SUV39H2: variants seen among roughly 807,000 people sequenced by gnomAD.
SUV39H2 encodes the protein histone-lysine N-methyltransferase SUV39H2.
In SUV39H2, 10 loss-of-function variants were observed where a neutral mutation model predicts 47.5. That is an observed-to-expected ratio of 0.21 (90% CI 0.13 to 0.36). The LOEUF is 0.36. Among genes scored for constraint, SUV39H2 ranks in the 10% least tolerant of loss-of-function variants. SUV39H2 has a pLI of 1.00. For synonymous variants in SUV39H2, 159 were observed against 166.8 expected (o/e 0.95, Z 0.36); for missense variants, 266 against 487.4 (o/e 0.55, Z 4.28).
intron 3 of SUV39H2, chr10:14,898,005 G>C (rs1833708543): frequency 6.6e-6 from 1 of 151,600 alleles, no homozygotes; most frequent in African/African-American, 2.4e-5. Flanking sequence ...TCCATAATCT[G>C]TAACTTACTT....
chr10:14,881,735 G>T lies in SUV39H2; in HGVS notation c.177+90G>T, dbSNP rs922816466. 4.2e-5 allele frequency: 49 copies of T among 1,168,348 alleles called. No homozygotes were observed. In the South Asian group the frequency reaches 1.3e-3, roughly 30 times the overall value. The allele number at this position is 1,168,348 out of a possible 1,614,324, so 72.4% of individuals were successfully genotyped here. ...ACATAAAAAGAACATTAAAAGAAAA[G>T]CTCTTCTTAATGTTTAAAATTCTAA... On this transcript the variant is annotated intron_variant, in intron 2 of 5. Transcript: ENST00000354919.
chr10:14,895,888 T>C (rs1173725849), intron 2 of SUV39H2, among the ~76,000 whole-genome samples: 2 of 151,864 alleles, frequency 1.3e-5, no homozygotes, highest in Non-Finnish European at 2.9e-5. Context: ...TTTTGTATGA[T>C]ACAAAGTCTT....
At chr10:14,886,816 A>G (rs1833224793) in intron 2 of SUV39H2, among the ~76,000 whole-genome samples, 2 of 152,104 alleles carry the variant, frequency 1.3e-5, no homozygotes, top group South Asian at 4.1e-4. Context: ...ATGTATAAAA[A>G]GTGCTGTGGC....
chr10:14,901,345 G>C (rs1445974367), intron 5 of SUV39H2, 83 bp downstream of exon 5: 17 of 1,555,858 alleles, frequency 1.1e-5, no homozygotes, highest in East Asian at 2.3e-5. Context: ...TTAGATATTT[G>C]AACCAAACCT....
At chr10:14,888,912 T>C (rs1448698058) in intron 2 of SUV39H2, among the ~76,000 whole-genome samples, 2 of 152,174 alleles carry the variant, frequency 1.3e-5, no homozygotes, top group Non-Finnish European at 2.9e-5. Context: ...CGAATCAGCC[T>C]GACCAACATG....
intron 4 of SUV39H2, among the ~76,000 whole-genome samples, chr10:14,899,921 G>A (rs961732713): frequency 6.6e-6 from 1 of 152,076 alleles, no homozygotes; most frequent in Admixed American, 6.5e-5. Flanking sequence ...CTTTACATAT[G>A]TTACTTCATT....
intron 2 of SUV39H2, among the ~76,000 whole-genome samples, chr10:14,884,744 T>G (rs973812294): frequency 3.9e-5 from 6 of 152,200 alleles, no homozygotes; most frequent in African/African-American, 1.4e-4. Flanking sequence ...CTTTTCCTCT[T>G]TGAAACTCTC....
At chr10:14,899,834 A>G (rs1833870990) in intron 4 of SUV39H2, 149 bp downstream of exon 4, 1 of 961,436 alleles carries the variant, frequency 1.0e-6, no homozygotes, top group Admixed American at 3.1e-5. Context: ...CTGTTAAGTT[A>G]TGGTATTATT....
chr10:14,891,612 C>G (rs1833392149), intron 2 of SUV39H2, among the ~76,000 whole-genome samples: 1 of 151,940 alleles, frequency 6.6e-6, no homozygotes, highest in Non-Finnish European at 1.5e-5. Flanking sequence ...TAGAGATGGA[C>G]AGGAAGAAGT....
intron 3 of SUV39H2, 125 bp from the exon 4 acceptor site, chr10:14,899,414 C>A: frequency 9.7e-7 from 1 of 1,029,242 alleles, no homozygotes; most frequent in Non-Finnish European, 1.4e-6. Context: ...TGAATGTTTG[C>A]TTTGATGACA....
In SUV39H2 at chr10:14,902,546, A is replaced by T. The variant is rs1564348157; in HGVS notation, c.*34A>T. On this transcript the variant is annotated 3_prime_UTR_variant, in exon 6 of 6. Coordinates refer to ENST00000354919, the MANE Select transcript of SUV39H2 (RefSeq NM_001193424.2). ...AGGAAATAGAGCTGATGATTATAAT[A>T]TTTTTTTCCTAATGTTAACATTTTT... The T allele has an allele frequency of 2.2e-6, 3 of 1,347,738 alleles. No homozygotes were observed. The highest frequency in any genetic ancestry group is 3.0e-6 in the Non-Finnish European group (3 of 987,922). The allele number at this position is 1,347,738 out of a possible 1,614,324, so 83.5% of individuals were successfully genotyped here.
chr10:14,882,641 C>T (rs1009563430), intron 2 of SUV39H2, among the ~76,000 whole-genome samples: 1 of 152,128 alleles, frequency 6.6e-6, no homozygotes, highest in African/African-American at 2.4e-5. Flanking sequence ...ATCTTGCTTG[C>T]TTTTCCCATT....
In SUV39H2 at chr10:14,897,317, C is replaced by T. The variant is rs1230223622; in HGVS notation, c.649C>T (p.Gln217Ter). Residue 217 changes from glutamine to a stop codon, truncating the protein, a stop_gained, in exon 3 of 6, where the codon CAA becomes TAA. Transcript: ENST00000354919. LOFTEE classifies it high-confidence loss of function. ...GVLLAYNKNQ[Q>*]IKIPPGTPIY... ...TCTTTTGGCTTATAATAAAAACCAACAAATTAAAATCCCACCTGGTACTCC... is the reference window on the plus strand; with the variant it reads ...TCTTTTGGCTTATAATAAAAACCAATAAATTAAAATCCCACCTGGTACTCC... The T allele has an allele frequency of 6.2e-7, 1 of 1,613,208 alleles. No individual in the cohort carries two copies. The highest frequency in any genetic ancestry group is 8.5e-7 in the Non-Finnish European group (1 of 1,179,842).
intron 2 of SUV39H2, among the ~76,000 whole-genome samples, chr10:14,888,801 GA>G (rs1251718006): frequency 6.6e-6 from 1 of 151,436 alleles, no homozygotes; most frequent in Non-Finnish European, 1.5e-5. Flanking sequence ...AGAGCCAAAG[GA>G]ATGAATTAAA....
intron 2 of SUV39H2, among the ~76,000 whole-genome samples, chr10:14,882,267 A>G (rs1833060401): frequency 6.6e-6 from 1 of 152,208 alleles, no homozygotes; most frequent in Non-Finnish European, 1.5e-5. Context: ...TCTATAGCCT[A>G]CCTCACTTTC....
chr10:14,900,509 G>GA (rs1414217994), intron 4 of SUV39H2, among the ~76,000 whole-genome samples: 1 of 152,144 alleles, frequency 6.6e-6, no homozygotes, highest in Non-Finnish European at 1.5e-5. Flanking sequence ...AAACATTGAA[G>GA]AATTTTTTTC....
rs552332966 is a variant in SUV39H2 at position 14,893,084 on chromosome 10, G to A, written c.178-3762G>A. On this transcript the variant is annotated intron_variant, in intron 2 of 5. Coordinates refer to ENST00000354919, the MANE Select transcript of SUV39H2 (RefSeq NM_001193424.2). Reference sequence around the variant, plus strand: ...GTGGCGCAATCTAGGCTCACTGCAGGCTCCGCCCCCTGGGGTTCACGCCAT... The same window carrying A: ...GTGGCGCAATCTAGGCTCACTGCAGACTCCGCCCCCTGGGGTTCACGCCAT... Among the ~76,000 whole-genome samples the A allele has an allele frequency of 2.3e-3, 343 of 149,540 alleles. 2 individuals carry two copies. Among genetic ancestry groups the A allele is most frequent in the African/African-American group, 8.0e-3 (323 of 40,500 alleles).
intron 2 of SUV39H2, among the ~76,000 whole-genome samples, chr10:14,896,516 C>G (rs941049652): frequency 6.6e-6 from 1 of 152,146 alleles, no homozygotes; most frequent in African/African-American, 2.4e-5. Context: ...TTTCCATGAT[C>G]AAAATAAATA....
intron 2 of SUV39H2, among the ~76,000 whole-genome samples, chr10:14,891,278 C>T (rs1039268509): frequency 4.6e-5 from 7 of 152,088 alleles, no homozygotes; most frequent in African/African-American, 1.7e-4. Context: ...TTCATTGTGG[C>T]CAGTGTGTGT....
Sources: gnomAD v4.1 joint callset for allele counts (sites outside exome capture counted in the v4.1 genomes callset) on GRCh38, gnomAD v4.1.1 for gene constraint, MANE v1.5 for transcripts, NCBI Gene and HGNC (gene_info 2026-07-23, HGNC 2026-07-21) for gene names.